The following CTIF variants were observed in gnomAD, a reference collection of about 807,000 sequenced individuals.
The protein encoded by CTIF is CBP80/20-dependent translation initiation factor.
A neutral mutation model predicts 66.0 loss-of-function variants in CTIF; 21 were observed. That is an observed-to-expected ratio of 0.32 (90% confidence interval 0.23 to 0.46). The LOEUF is 0.46. Ranked by LOEUF, CTIF falls within the 20% of genes least tolerant of loss-of-function variation. The probability of loss-of-function intolerance (pLI) is 1.00; values close to 1 mark genes in which losing one functional copy is unlikely to be tolerated. For synonymous variants in CTIF, 345 were observed against 326.4 expected, an observed-to-expected ratio of 1.06 and a Z score of -0.62; for missense variants, 739 against 812.7, an observed-to-expected ratio of 0.91 and a Z score of 1.10.
chr18:48,816,298 C>T (rs958585374), intron 9 of CTIF, among the ~76,000 whole-genome samples: 2 of 152,144 alleles, frequency 1.3e-5, no homozygotes, highest in South Asian at 2.1e-4. Context: ...AGACATATGG[C>T]CAAAACCAAA....
rs558754730 is a variant in CTIF at position 48,551,034 on chromosome 18, G to C, written c.-29+11722G>C. On this transcript the variant is annotated intron_variant, in intron 1 of 11. Transcript: ENST00000256413. ...GTCCTCTCAAAATTCATATGCTGAA[G>C]TCCTAACTCCAGCGCCTCAGAACTG... 5.3e-4 allele frequency among the ~76,000 whole-genome samples: 81 copies of C among 151,570 alleles called. 2 individuals carry two copies. The South Asian group carries it at 0.013, about 25-fold the overall frequency.
chr18:48,797,627 T>C, intron 9 of CTIF, among the ~76,000 whole-genome samples: 1 of 150,928 alleles, frequency 6.6e-6, no homozygotes, highest in Non-Finnish European at 1.5e-5. Flanking sequence ...GCGGTGTTAA[T>C]GGGCTGACCT....
chr18:48,754,867 G>C (rs1908197582), intron 7 of CTIF, among the ~76,000 whole-genome samples: 1 of 152,260 alleles, frequency 6.6e-6, no homozygotes, highest in Admixed American at 6.5e-5. Context: ...AGATTTCCAG[G>C]AATGAACAGC....
At chr18:48,611,094 A>G (rs2090300078) in intron 1 of CTIF, among the ~76,000 whole-genome samples, 1 of 152,194 alleles carries the variant, frequency 6.6e-6, no homozygotes, top group Non-Finnish European at 1.5e-5. Flanking sequence ...CTCTACCCAT[A>G]GATACCTGAG....
chr18:48,858,264 C>T (rs774778294), intron 11 of CTIF, among the ~76,000 whole-genome samples: 16 of 152,248 alleles, frequency 1.1e-4, no homozygotes, highest in Non-Finnish European at 1.8e-4. Context: ...AGGTGGCTTC[C>T]GCCTGGCTGC....
intron 9 of CTIF, among the ~76,000 whole-genome samples, chr18:48,798,106 C>T (rs546587716): frequency 6.6e-6 from 1 of 152,356 alleles, no homozygotes; most frequent in Non-Finnish European, 1.5e-5. Flanking sequence ...TTCCAGCCTC[C>T]TGTCCTTTCC....
rs965052236 is a variant in CTIF at position 48,781,589 on chromosome 18, T to C, written c.1371+19900T>C. Among the ~76,000 whole-genome samples, 3 of 152,110 alleles carry C rather than the reference T, an allele frequency of 2.0e-5. No homozygotes were observed. In the South Asian group the frequency reaches 6.2e-4, roughly 32 times the overall value. On this transcript the variant is annotated intron_variant, in intron 9 of 11. Coordinates refer to ENST00000256413, the MANE Select transcript of CTIF (RefSeq NM_014772.3). ...GAGGCCATATCTAGCGAGATTTTTG[T>C]TCTGGGTTGTGAAAGTGACCTATGG... is the stretch of plus-strand genomic sequence containing the variant.
At chr18:48,834,301 C>T (rs1037295677) in intron 10 of CTIF, among the ~76,000 whole-genome samples, 1 of 152,222 alleles carries the variant, frequency 6.6e-6, no homozygotes, top group African/African-American at 2.4e-5. Flanking sequence ...GCCAACGAAA[C>T]CTTATTTATG....
chr18:48,659,473 C>A (rs1380293533), intron 3 of CTIF, among the ~76,000 whole-genome samples: 4 of 152,226 alleles, frequency 2.6e-5, no homozygotes, highest in African/African-American at 9.6e-5. Flanking sequence ...GGGGTGCTGT[C>A]CATATGATAT....
intron 2 of CTIF, among the ~76,000 whole-genome samples, chr18:48,630,247 C>T (rs994730997): frequency 1.3e-5 from 2 of 152,000 alleles, no homozygotes; most frequent in African/African-American, 4.8e-5. Context: ...TTTTACCACC[C>T]ACGGTTTCAG....
intron 1 of CTIF, among the ~76,000 whole-genome samples, chr18:48,581,787 G>A (rs1261265395): frequency 2.0e-5 from 3 of 152,108 alleles, no homozygotes; most frequent in South Asian, 2.1e-4. Context: ...TGTTATTATC[G>A]GTCATAGCAA....
intron 1 of CTIF, among the ~76,000 whole-genome samples, chr18:48,587,372 G>T (rs1438195090): frequency 6.6e-6 from 1 of 152,090 alleles, no homozygotes; most frequent in Non-Finnish European, 1.5e-5. Flanking sequence ...GAGCCACCGC[G>T]CCTGGCTGCC....
intron 10 of CTIF, among the ~76,000 whole-genome samples, chr18:48,832,189 T>TTTTTTTTTTTG (rs1289637754): frequency 6.7e-6 from 1 of 150,076 alleles, no homozygotes; most frequent in Non-Finnish European, 1.5e-5. Flanking sequence ...TTTTTTTTTT[T>TTTTTTTTTTTG]AAGACAGGGT....
intron 7 of CTIF, among the ~76,000 whole-genome samples, chr18:48,729,303 ACT>A (rs1180787002): frequency 3.3e-5 from 5 of 152,004 alleles, no homozygotes; most frequent in African/African-American, 4.8e-5. Context: ...ACAGACACAC[ACT>A]CACACATGTA....
At chr18:48,586,229 A>G (rs767669328) in intron 1 of CTIF, among the ~76,000 whole-genome samples, 2 of 151,388 alleles carry the variant, frequency 1.3e-5, no homozygotes, top group Admixed American at 1.3e-4. Flanking sequence ...GACAGAGAGC[A>G]CTTGTTTCCC....
At chr18:48,561,574 G>A (rs1371420444) in intron 1 of CTIF, among the ~76,000 whole-genome samples, 1 of 152,208 alleles carries the variant, frequency 6.6e-6, no homozygotes, top group African/African-American at 2.4e-5. Context: ...AGATGGATCA[G>A]GGGACACTCC....
At position 48,595,014 on chromosome 18, in the gene CTIF, G is replaced by A. The variant is rs367565135; in HGVS notation, c.-28-24524G>A. Among the ~76,000 whole-genome samples, 120 of 152,302 alleles carry A rather than the reference G, an allele frequency of 7.9e-4. 1 individual carries two copies. The highest frequency in any genetic ancestry group is 2.5e-3 in the African/African-American group (104 of 41,564). On this transcript the variant is annotated intron_variant, in intron 1 of 11. Transcript: ENST00000256413. ...GTGAGCTGAGTGGTGCCAAGTCTCC[G>A]GTGCCAGGCATTGGAAAGGTCATCT...
At chr18:48,844,472 C>T (rs2069023698) in intron 10 of CTIF, among the ~76,000 whole-genome samples, 1 of 152,224 alleles carries the variant, frequency 6.6e-6, no homozygotes, top group Non-Finnish European at 1.5e-5. Context: ...ATGAAGCATC[C>T]CCCATGTGAC....
At chr18:48,799,321 A>G (rs188446222) in intron 9 of CTIF, among the ~76,000 whole-genome samples, 1 of 152,302 alleles carries the variant, frequency 6.6e-6, no homozygotes, top group East Asian at 1.9e-4. Flanking sequence ...TTTGTGGATG[A>G]CCAAACTGAG....
Sources: gnomAD v4.1 joint callset for allele counts (sites outside exome capture counted in the v4.1 genomes callset) on GRCh38, gnomAD v4.1.1 for gene constraint, MANE v1.5 for transcripts, NCBI Gene and HGNC (gene_info 2026-07-23, HGNC 2026-07-21) for gene names.